CSE1L: variants seen among roughly 807,000 people sequenced by gnomAD.
The protein encoded by CSE1L is chromosome segregation 1 like, also known as exportin-2.
A neutral mutation model predicts 120.4 loss-of-function variants in CSE1L; 24 were observed. That is an observed-to-expected ratio of 0.20 (90% CI 0.14 to 0.28). The LOEUF (loss-of-function observed/expected upper bound fraction) is 0.28. CSE1L is among the 10% of genes least tolerant of loss of function. CSE1L has a pLI of 1.00. For synonymous variants in CSE1L, 402 were observed against 398.3 expected (o/e 1.01, Z -0.11); for missense variants, 830 against 1,145.2 (o/e 0.72, Z 3.97).
At chr20:49,066,333 G>T in intron 4 of CSE1L, 32 bp from the exon 5 acceptor site, 1 of 1,614,124 alleles carries the variant, frequency 6.2e-7, no homozygotes, top group Non-Finnish European at 8.5e-7. Flanking sequence ...CCTCTGTAAA[G>T]CTCTGATCTA....
chr20:49,067,928 C>CTTTTTTTTTTTTTTTTT, intron 6 of CSE1L, among the ~76,000 whole-genome samples: 1 of 78,480 alleles, frequency 1.3e-5, no homozygotes, highest in Non-Finnish European at 2.3e-5. Context: ...TTCCCTCTCT[C>CTTTTTTTTTTTTTTTTT]TTTTTTTTTT....
At chr20:49,063,907 T>C (rs2091870931) in intron 3 of CSE1L, among the ~76,000 whole-genome samples, 1 of 152,238 alleles carries the variant, frequency 6.6e-6, no homozygotes, top group African/African-American at 2.4e-5. Flanking sequence ...TATGTATATA[T>C]ATACTAATTT....
intron 20 of CSE1L, 27 bp downstream of exon 20, chr20:49,090,866 T>G: frequency 6.2e-7 from 1 of 1,605,494 alleles, no homozygotes; most frequent in South Asian, 1.1e-5. Flanking sequence ...CTTTGTGCAT[T>G]TATTTAGAAA....
intron 17 of CSE1L, among the ~76,000 whole-genome samples, chr20:49,088,764 A>G (rs1055236217): frequency 3.3e-5 from 5 of 152,150 alleles, no homozygotes; most frequent in African/African-American, 1.2e-4. Flanking sequence ...AGGGAACCCA[A>G]GTCTCCGCCT....
At chr20:49,094,997 G>A in intron 24 of CSE1L, 34 bp downstream of exon 24, 1 of 1,555,312 alleles carries the variant, frequency 6.4e-7, no homozygotes, top group Non-Finnish European at 8.9e-7. Flanking sequence ...TGTGATAAAT[G>A]GAGACTTTAA....
intron 1 of CSE1L, among the ~76,000 whole-genome samples, chr20:49,047,414 C>T (rs1287278523): frequency 1.3e-5 from 2 of 151,834 alleles, no homozygotes; most frequent in Admixed American, 6.6e-5. Context: ...AGGGTTATTC[C>T]GATTTAAAAT....
intron 2 of CSE1L, among the ~76,000 whole-genome samples, chr20:49,059,276 A>G (rs770937853): frequency 3.3e-5 from 5 of 152,174 alleles, no homozygotes; most frequent in Non-Finnish European, 7.3e-5. Context: ...GATTTAACTA[A>G]TATATTTTAA....
intron 3 of CSE1L, among the ~76,000 whole-genome samples, chr20:49,065,376 G>A (rs1202449843): frequency 2.7e-5 from 3 of 110,140 alleles, no homozygotes; most frequent in African/African-American, 1.1e-4. Context: ...AGGCTGGAAT[G>A]CAATGGTGCG....
At chr20:49,081,751 TGA>T (rs2092014311) in intron 14 of CSE1L, among the ~76,000 whole-genome samples, 1 of 152,184 alleles carries the variant, frequency 6.6e-6, no homozygotes, top group Admixed American at 6.5e-5. Flanking sequence ...TTAATTGTAC[TGA>T]GAAAAAAATC....
intron 12 of CSE1L, 75 bp downstream of exon 12, chr20:49,075,595 TC>T: frequency 8.8e-7 from 1 of 1,137,898 alleles, no homozygotes; most frequent in South Asian, 1.3e-5. Context: ...AGAAATAACG[TC>T]TCTGATAATA....
intron 16 of CSE1L, among the ~76,000 whole-genome samples, chr20:49,086,146 T>C (rs889941936): frequency 6.6e-6 from 1 of 152,080 alleles, no homozygotes; most frequent in Non-Finnish European, 1.5e-5. Context: ...TGGTGCCAGC[T>C]CTGAATTTAG....
intron 14 of CSE1L, among the ~76,000 whole-genome samples, chr20:49,081,904 G>A (rs903750752): frequency 2.0e-5 from 3 of 152,064 alleles, no homozygotes; most frequent in African/African-American, 7.2e-5. Flanking sequence ...AAAACTCCAG[G>A]CCATATTTAT....
intron 6 of CSE1L, 80 bp from the exon 7 acceptor site, chr20:49,068,635 T>C (rs1035232686): frequency 1.3e-5 from 12 of 889,716 alleles, no homozygotes; most frequent in Non-Finnish European, 2.1e-5. Context: ...TAGTCTCAGC[T>C]TAGTGCAAGG....
In CSE1L at chr20:49,090,955, T is replaced by C. The variant is rs1395632426; in HGVS notation, c.2298T>C (p.Tyr766=). ...EHMPPESVDQ[Y]RKQIFILLFQ... is the part of the protein sequence containing the mutation. ...TCTTTAGTGAATCAGTTGACCAATA[T>C]AGGAAACAAATCTTCATTCTGCTAT... The change falls in exon 21 of 25, where the codon TAT becomes TAC. Residue 766 remains tyrosine, a synonymous_variant. Transcript: ENST00000262982. 3.1e-6 allele frequency: 5 copies of C among 1,610,822 alleles called. 1 individual carries two copies. The South Asian group carries it at 5.5e-5, about 18-fold the overall frequency.
chr20:49,064,937 T>A (rs996950940), intron 3 of CSE1L, among the ~76,000 whole-genome samples: 1 of 151,472 alleles, frequency 6.6e-6, no homozygotes, highest in Non-Finnish European at 1.5e-5. Flanking sequence ...GGAGGATTGC[T>A]TGAGGCCAGG....
intron 12 of CSE1L, among the ~76,000 whole-genome samples, chr20:49,076,520 C>CTTTTTTT (rs35713931): frequency 5.0e-5 from 4 of 79,578 alleles, no homozygotes; most frequent in African/African-American, 1.1e-4. Flanking sequence ...CCCTCTCTCT[C>CTTTTTTT]TTTTTTTTTT....
At chr20:49,087,977 C>G (rs1475416904) in intron 16 of CSE1L, 32 bp from the exon 17 acceptor site, 5 of 1,407,942 alleles carry the variant, frequency 3.6e-6, no homozygotes, top group East Asian at 2.3e-5. Flanking sequence ...TAACTAAACT[C>G]TATTTGTTTT....
chr20:49,075,672 T>C, intron 12 of CSE1L, 152 bp downstream of exon 12: 1 of 700,798 alleles, frequency 1.4e-6, no homozygotes, highest in Admixed American at 2.9e-5. Flanking sequence ...TGGCTTTATG[T>C]TGATGTATTG....
At chr20:49,084,528 G>C (rs908767412) in intron 15 of CSE1L, among the ~76,000 whole-genome samples, 3 of 152,188 alleles carry the variant, frequency 2.0e-5, no homozygotes, top group African/African-American at 7.2e-5. Flanking sequence ...TGAGATAAAA[G>C]TTAAAGCAGA....
Sources: gnomAD v4.1 joint callset for allele counts (sites outside exome capture counted in the v4.1 genomes callset) on GRCh38, gnomAD v4.1.1 for gene constraint, MANE v1.5 for transcripts, NCBI Gene and HGNC (gene_info 2026-07-23, HGNC 2026-07-21) for gene names.